The following RAB38 variants were observed in gnomAD, a reference collection of about 807,000 sequenced individuals.
The protein encoded by RAB38 is ras-related protein Rab-38.
In RAB38, 15 loss-of-function variants were observed where a neutral mutation model predicts 18.4. The observed-to-expected ratio is 0.82, with a 90% CI of 0.55 to 1.26. The LOEUF (loss-of-function observed/expected upper bound fraction) is 1.26, where lower values mean the gene tolerates loss of function less well. Among genes scored for constraint, RAB38 ranks in the 50% most tolerant of loss-of-function variants. The pLI, the probability that RAB38 is intolerant of heterozygous loss-of-function variation, is 0.00. For synonymous variants in RAB38, 101 were observed against 104.4 expected (o/e 0.97, Z 0.20); for missense variants, 294 against 267.4 (o/e 1.10, Z -0.69).
At chr11:87,911,719 G>C in the RAB38 span, among the ~76,000 whole-genome samples, 1 of 151,734 alleles carries the variant, frequency 6.6e-6, no homozygotes, top group Non-Finnish European at 1.5e-5. Flanking sequence ...TCTTTTTCTT[G>C]ATTTGTGGTA....
chr11:88,072,251 A>C, the RAB38 span, among the ~76,000 whole-genome samples: 12 of 152,346 alleles, frequency 7.9e-5, no homozygotes, highest in African/African-American at 2.6e-4. Context: ...TAATAAACGC[A>C]ATACCAAGAG....
the RAB38 span, among the ~76,000 whole-genome samples, chr11:88,089,483 A>G: frequency 1.3e-5 from 2 of 151,936 alleles, no homozygotes; most frequent in African/African-American, 4.8e-5. Context: ...CTGGGTCTGC[A>G]TTAATATATT....
chr11:87,891,827 G>T, the RAB38 span, among the ~76,000 whole-genome samples: 1 of 151,786 alleles, frequency 6.6e-6, no homozygotes, highest in Non-Finnish European at 1.5e-5. Context: ...GAATGTAGGT[G>T]ATCAAATATC....
chr11:88,026,821 G>C, the RAB38 span, among the ~76,000 whole-genome samples: 1 of 152,026 alleles, frequency 6.6e-6, no homozygotes, highest in Non-Finnish European at 1.5e-5. Context: ...AAAATCAACA[G>C]GTGAAAGTTA....
chr11:87,855,060 G>T, the RAB38 span, among the ~76,000 whole-genome samples: 1 of 152,094 alleles, frequency 6.6e-6, no homozygotes, highest in South Asian at 2.1e-4. Context: ...CTCCCAAAGT[G>T]CTGGGATTAC....
chr11:88,165,195 TATA>T (rs1391239312), intron 1 of RAB38, among the ~76,000 whole-genome samples: 1 of 152,164 alleles, frequency 6.6e-6, no homozygotes, highest in Non-Finnish European at 1.5e-5. Flanking sequence ...TTATGCTGTT[TATA>T]ATGCATCAGG....
the RAB38 span, among the ~76,000 whole-genome samples, chr11:87,860,773 T>C: frequency 6.6e-6 from 1 of 151,940 alleles, no homozygotes; most frequent in East Asian, 1.9e-4. Context: ...CAGGGTCAAA[T>C]GTGAAAGCTA....
the RAB38 span, among the ~76,000 whole-genome samples, chr11:87,920,968 G>T: frequency 6.6e-6 from 1 of 151,962 alleles, no homozygotes. Flanking sequence ...AGTTCTGGTG[G>T]CTGTAAAGTC....
At chr11:88,067,474 C>T in the RAB38 span, among the ~76,000 whole-genome samples, 11 of 151,922 alleles carry the variant, frequency 7.2e-5, 1 homozygote, top group South Asian at 1.5e-3. Flanking sequence ...TCTAATAGAC[C>T]ATCATGAGCT....
At chr11:87,964,277 C>T in the RAB38 span, among the ~76,000 whole-genome samples, 429 of 152,138 alleles carry the variant, frequency 2.8e-3, 3 homozygotes, top group African/African-American at 9.9e-3. Flanking sequence ...TCAGCAGTAG[C>T]CTGGCTAACC....
At chr11:88,038,857 T>C in the RAB38 span, among the ~76,000 whole-genome samples, 12 of 152,338 alleles carry the variant, frequency 7.9e-5, no homozygotes, top group South Asian at 2.5e-3. Context: ...ATCTAAGATA[T>C]AATCCACATT....
chr11:87,927,514 C>A, the RAB38 span, among the ~76,000 whole-genome samples: 2 of 151,904 alleles, frequency 1.3e-5, no homozygotes, highest in Non-Finnish European at 2.9e-5. Flanking sequence ...GTCTCTTAAC[C>A]ATACTGTATA....
downstream of RAB38, among the ~76,000 whole-genome samples, chr11:88,112,793 A>AAT (rs35551236): frequency 0.32 from 43,760 of 135,762 alleles, 6,520 homozygotes; most frequent in Middle Eastern, 0.44. Flanking sequence ...ACAACAACAA[A>AAT]ATATATATAT....
chr11:87,893,390 A>ATATATATATATTTT, the RAB38 span, among the ~76,000 whole-genome samples: 3,607 of 93,910 alleles, frequency 0.038, 117 homozygotes, highest in South Asian at 0.05. Flanking sequence ...ATATATATAT[A>ATATATATATATTTT]TTTTTTTTTT....
At chr11:88,167,604 GA>G (rs1255098341) in intron 1 of RAB38, 1 of 152,104 alleles carries the variant, frequency 6.6e-6, no homozygotes, top group Admixed American at 6.5e-5. Context: ...TTATAAGGTA[GA>G]AAAGACAAAA....
At chr11:88,055,940 G>A in the RAB38 span, among the ~76,000 whole-genome samples, 1 of 152,096 alleles carries the variant, frequency 6.6e-6, no homozygotes, top group Non-Finnish European at 1.5e-5. Context: ...GTTTAGTTGA[G>A]CTTTGTTTTG....
the RAB38 span, among the ~76,000 whole-genome samples, chr11:87,835,890 A>G: frequency 6.6e-6 from 1 of 152,204 alleles, no homozygotes; most frequent in Non-Finnish European, 1.5e-5. Context: ...AAGGAGATTC[A>G]CATAGTAATC....
chr11:88,032,928 A>G, the RAB38 span, among the ~76,000 whole-genome samples: 2 of 152,192 alleles, frequency 1.3e-5, no homozygotes, highest in East Asian at 1.9e-4. Flanking sequence ...ACATGCACAC[A>G]TATGTTTATT....
the RAB38 span, among the ~76,000 whole-genome samples, chr11:87,839,260 G>A: frequency 6.6e-6 from 1 of 152,006 alleles, no homozygotes; most frequent in Admixed American, 6.6e-5. Flanking sequence ...ATACTTTATG[G>A]GTATCTCCAA....
Sources: gnomAD v4.1 joint callset for allele counts (sites outside exome capture counted in the v4.1 genomes callset) on GRCh38, gnomAD v4.1.1 for gene constraint, MANE v1.5 for transcripts, NCBI Gene and HGNC (gene_info 2026-07-23, HGNC 2026-07-21) for gene names.